The following RABGAP1L variants were observed in gnomAD, a reference collection of about 807,000 sequenced individuals.
RABGAP1L encodes the protein rab GTPase-activating protein 1-like.
A neutral mutation model predicts 137.7 loss-of-function variants in RABGAP1L; 63 were observed. The observed-to-expected ratio is 0.46, with a 90% CI of 0.37 to 0.56. The LOEUF is 0.56. Ranked by LOEUF, RABGAP1L falls within the 20% of genes least tolerant of loss-of-function variation. The pLI, the probability that RABGAP1L is intolerant of heterozygous loss-of-function variation, is 0.00. For synonymous variants in RABGAP1L, 431 were observed against 433.7 expected (o/e 0.99, Z 0.08); for missense variants, 1,095 against 1,244.0 (o/e 0.88, Z 1.80).
intron 17 of RABGAP1L, among the ~76,000 whole-genome samples, chr1:174,705,939 G>C (rs115172941): frequency 6.6e-6 from 1 of 152,026 alleles, no homozygotes; most frequent in Non-Finnish European, 1.5e-5. Context: ...TTGAGGTTAC[G>C]ACTCAATGTT....
At chr1:174,268,646 A>G (rs966596372) in intron 7 of RABGAP1L, among the ~76,000 whole-genome samples, 1 of 152,166 alleles carries the variant, frequency 6.6e-6, no homozygotes, top group Admixed American at 6.5e-5. Context: ...AAAAGTTTTT[A>G]AAAAATTAGT....
intron 19 of RABGAP1L, among the ~76,000 whole-genome samples, chr1:174,864,699 TTGTC>T (rs1650898937): frequency 6.6e-6 from 1 of 152,190 alleles, no homozygotes; most frequent in Admixed American, 6.5e-5. Flanking sequence ...ATATGAGACT[TTGTC>T]TGGGGACACA....
At chr1:174,328,004 T>TATATAC (rs1680685918) in intron 11 of RABGAP1L, among the ~76,000 whole-genome samples, 1 of 121,758 alleles carries the variant, frequency 8.2e-6, no homozygotes, top group African/African-American at 4.7e-5. Context: ...TATATATATA[T>TATATAC]ATATATATAT....
chr1:174,789,049 G>A (rs1687662476), intron 18 of RABGAP1L, among the ~76,000 whole-genome samples: 1 of 152,016 alleles, frequency 6.6e-6, no homozygotes, highest in South Asian at 2.1e-4. Flanking sequence ...CTTTCCTGAA[G>A]TAGTTGACTG....
chr1:174,220,807 C>A (rs1571613997), intron 2 of RABGAP1L, 165 bp from the exon 3 acceptor site: 1 of 501,574 alleles, frequency 2.0e-6, no homozygotes, highest in Non-Finnish European at 3.1e-6. Context: ...GTTTTATAAC[C>A]AGGATTTTAA....
chr1:174,281,901 C>G (rs188070655), intron 10 of RABGAP1L, among the ~76,000 whole-genome samples: 1 of 152,212 alleles, frequency 6.6e-6, no homozygotes, highest in African/African-American at 2.4e-5. Flanking sequence ...CAGGCAATGA[C>G]TGATGTGCTG....
chr1:174,298,014 G>A (rs1471330528), intron 10 of RABGAP1L, among the ~76,000 whole-genome samples: 1 of 152,186 alleles, frequency 6.6e-6, no homozygotes, highest in Non-Finnish European at 1.5e-5. Flanking sequence ...CAGAGACACA[G>A]TCACCTATCA....
intron 3 of RABGAP1L, among the ~76,000 whole-genome samples, chr1:174,222,030 A>G (rs1376600113): frequency 6.8e-6 from 1 of 146,512 alleles, no homozygotes; most frequent in Non-Finnish European, 1.5e-5. Context: ...GGGTTTTGCC[A>G]TGTTGACCAG....
intron 13 of RABGAP1L, among the ~76,000 whole-genome samples, chr1:174,475,163 A>G (rs540993274): frequency 1.1e-4 from 17 of 152,200 alleles, no homozygotes; most frequent in Non-Finnish European, 1.5e-4. Context: ...AGCCTGTTCA[A>G]TTGCACTTTC....
intron 18 of RABGAP1L, among the ~76,000 whole-genome samples, chr1:174,766,403 A>G (rs1462664972): frequency 6.6e-6 from 1 of 152,194 alleles, no homozygotes; most frequent in African/African-American, 2.4e-5. Context: ...GTCAAAAATC[A>G]GTTGACCATG....
chr1:174,313,710 T>C (rs748526078), intron 11 of RABGAP1L, among the ~76,000 whole-genome samples: 15 of 152,114 alleles, frequency 9.9e-5, no homozygotes, highest in Non-Finnish European at 1.9e-4. Context: ...TTTTTGAGGG[T>C]TTTTAATCAT....
At chr1:174,662,902 A>G (rs773857886) in intron 14 of RABGAP1L, among the ~76,000 whole-genome samples, 7 of 152,244 alleles carry the variant, frequency 4.6e-5, no homozygotes, top group African/African-American at 9.6e-5. Context: ...TTTTAAGTAG[A>G]AAAATGTTAT....
At chr1:174,306,675 T>G (rs1250598795) in intron 11 of RABGAP1L, among the ~76,000 whole-genome samples, 1 of 152,202 alleles carries the variant, frequency 6.6e-6, no homozygotes, top group Non-Finnish European at 1.5e-5. Context: ...TGTTTTTTTT[T>G]GTTGCTGTAC....
chr1:174,428,467 C>A (rs1194123457), intron 13 of RABGAP1L, among the ~76,000 whole-genome samples: 1 of 152,186 alleles, frequency 6.6e-6, no homozygotes, highest in Non-Finnish European at 1.5e-5. Context: ...TTTATCTCTT[C>A]ATAATGATTT....
chr1:174,247,760 C>T (rs1430200041), intron 5 of RABGAP1L, among the ~76,000 whole-genome samples: 1 of 152,172 alleles, frequency 6.6e-6, no homozygotes, highest in East Asian at 1.9e-4. Context: ...CAAACCCATC[C>T]CATGAGCCCT....
At chr1:174,343,059 T>C (rs968877301) in intron 11 of RABGAP1L, among the ~76,000 whole-genome samples, 6 of 152,178 alleles carry the variant, frequency 3.9e-5, no homozygotes, top group Admixed American at 1.3e-4. Flanking sequence ...TTTAACAGTT[T>C]ATGTATTGTT....
chr1:174,466,599 C>T (rs1340161532), intron 13 of RABGAP1L, among the ~76,000 whole-genome samples: 1 of 152,120 alleles, frequency 6.6e-6, no homozygotes, highest in Non-Finnish European at 1.5e-5. Context: ...CCAGCCTGGG[C>T]AACATGGTGA....
intron 19 of RABGAP1L, among the ~76,000 whole-genome samples, chr1:174,832,710 G>A (rs1355863785): frequency 6.6e-6 from 1 of 152,162 alleles, no homozygotes; most frequent in Non-Finnish European, 1.5e-5. Flanking sequence ...CTTCCTCCTG[G>A]CTGTCTCTGT....
intron 19 of RABGAP1L, among the ~76,000 whole-genome samples, chr1:174,856,377 A>C (rs1441409140): frequency 6.7e-6 from 1 of 149,988 alleles, no homozygotes; most frequent in African/African-American, 2.5e-5. Flanking sequence ...CCTGGGTGAC[A>C]GAACAAGACT....
Sources: gnomAD v4.1 joint callset for allele counts (sites outside exome capture counted in the v4.1 genomes callset) on GRCh38, gnomAD v4.1.1 for gene constraint, MANE v1.5 for transcripts, NCBI Gene and HGNC (gene_info 2026-07-23, HGNC 2026-07-21) for gene names.